Variants in CNTN2 observed in about 807,000 individuals in gnomAD.
The protein encoded by CNTN2 is contactin 2.
Under a neutral mutation model 117.5 loss-of-function variants are expected in CNTN2, and 53 were observed. The observed-to-expected ratio is 0.45, with a 90% CI of 0.36 to 0.57. The LOEUF is 0.57. Ranked by LOEUF, CNTN2 falls within the 20% of genes least tolerant of loss-of-function variation. CNTN2 has a pLI of 0.00. For synonymous variants in CNTN2, 530 were observed against 561.7 expected (o/e 0.94, Z 0.80); for missense variants, 1,106 against 1,404.3 (o/e 0.79, Z 3.39).
rs1028356452 is a variant in CNTN2, at chr1:205,064,525, G to A, written c.1391+53G>A. On this transcript the variant is annotated intron_variant, in intron 11 of 22. Coordinates refer to ENST00000331830, the MANE Select transcript of CNTN2 (RefSeq NM_005076.5). Reference sequence around the variant, plus strand: ...TTCCTGCTCCTCCTCATTCTCCATGGAGGCCAATTCCCCTCCTGTGACAAC... The same window carrying A: ...TTCCTGCTCCTCCTCATTCTCCATGAAGGCCAATTCCCCTCCTGTGACAAC... 1.9e-6 allele frequency: 3 copies of A among 1,593,546 alleles called. No homozygotes were observed. In the African/African-American group the frequency reaches 4.0e-5, roughly 21 times the overall value.
rs1654914844 is a variant in CNTN2 at position 205,077,418 on chromosome 1, G to A, written c.*3653G>A. 1 of 152,234 alleles carries A rather than the reference G, an allele frequency of 6.6e-6. No individual in the cohort carries two copies. Among genetic ancestry groups the A allele is most frequent in the South Asian group, 2.1e-4 (1 of 4,832 alleles). The allele number at this position is 152,234 out of a possible 1,614,324, so 9.4% of individuals were successfully genotyped here. ...GGACTGCCAACTGGCTCATTGGTGG[G>A]AGACACAGTATCCTCAAACCTGTGG... On this transcript the variant is annotated 3_prime_UTR_variant, in exon 23 of 23. Transcript: ENST00000331830.
At position 205,061,733 on chromosome 1, in the gene CNTN2, TC is replaced by T; in HGVS notation, c.974-131del. The T allele has an allele frequency of 1.7e-6, 2 of 1,211,992 alleles. No individual in the cohort carries two copies. Among genetic ancestry groups the T allele is most frequent in the Non-Finnish European group, 2.3e-6 (2 of 875,876 alleles). The allele number at this position is 1,211,992 out of a possible 1,614,324, so 75.1% of individuals were successfully genotyped here. On this transcript the variant is annotated intron_variant, in intron 8 of 22. Coordinates refer to ENST00000331830, the MANE Select transcript of CNTN2 (RefSeq NM_005076.5). This position sits in a 1 kb window ranked among gnomAD's most constrained non-coding sequence, Gnocchi z 4.8. ...TCTTCCGGCCCCCTCCTCTTTGTCC[TC>T]TCCATCTCAGAATGCTCATGGCGCC... is the stretch of plus-strand genomic sequence containing the variant.
intron 1 of CNTN2, among the ~76,000 whole-genome samples, chr1:205,044,552 C>G (rs2151179690): frequency 1.3e-5 from 2 of 152,182 alleles, no homozygotes; most frequent in Middle Eastern, 3.4e-3. Context: ...TCTTTTCCCT[C>G]TGCTCAGAAG....
At chr1:205,069,683 A>C in intron 17 of CNTN2, 122 bp downstream of exon 17, 5 of 1,389,122 alleles carry the variant, frequency 3.6e-6, no homozygotes, top group Non-Finnish European at 5.0e-6. Flanking sequence ...TCCCCCTTCC[A>C]CGCACCCGCT....
intron 2 of CNTN2, among the ~76,000 whole-genome samples, chr1:205,055,334 C>G (rs761675607): frequency 6.6e-6 from 1 of 152,078 alleles, no homozygotes; most frequent in Non-Finnish European, 1.5e-5. Context: ...AGCACACACA[C>G]GGGGAGGCTC....
chr1:205,059,598 C>A lies in CNTN2; in HGVS notation c.713C>A (p.Ala238Glu), dbSNP rs1653860242. Residue 238 changes from alanine (A) to glutamate (E), a missense_variant, in exon 7 of 23, where the codon GCA becomes GAA. By Grantham distance (107) the Ala-to-Glu change is moderately radical (BLOSUM62 -1). Coordinates refer to ENST00000331830, the MANE Select transcript of CNTN2 (RefSeq NM_005076.5). The surrounding 1 kb of genome is among the most constrained non-coding windows in gnomAD (Gnocchi z 5.6). ...CTCTCCCCAGATACCCGGCTCTTTG[C>A]ACCCAGCATCAAGGCCCGGTTCCCA... is the stretch of plus-strand genomic sequence containing the variant. ...NLAAEDTRLF[A>E]PSIKARFPAE... 1 of 1,614,078 alleles carries A rather than the reference C, an allele frequency of 6.2e-7. No homozygotes were observed. Among genetic ancestry groups the A allele is most frequent in the Non-Finnish European group, 8.5e-7 (1 of 1,180,036 alleles).
rs1355272185 is a variant in CNTN2 at position 205,069,891 on chromosome 1, G to A, written c.2261G>A (p.Gly754Asp). ...FGYLLSFRRQGSTHWQTARVP... is the reference protein window; with the variant it reads ...FGYLLSFRRQDSTHWQTARVP... ...TACCTGCTGTCCTTCCGCAGGCAGG[G>A]CAGCACTCACTGGCAGACCGCCCGG... The change falls in exon 18 of 23, where the codon GGC (glycine) becomes GAC (aspartate). Residue 754 changes from glycine to aspartate, a missense_variant. Physicochemically the swap from Gly to Asp is moderately conservative, Grantham distance 94. Transcript: ENST00000331830. 3 of 1,613,834 alleles carry A rather than the reference G, an allele frequency of 1.9e-6. No homozygotes were observed.
chr1:205,054,543 A>G (rs534948666), intron 2 of CNTN2, among the ~76,000 whole-genome samples: 2 of 152,310 alleles, frequency 1.3e-5, no homozygotes, highest in African/African-American at 4.8e-5. Context: ...GGCTTCTAGC[A>G]TCCGCTCCCT....
At chr1:205,066,004 A>C in intron 14 of CNTN2, 95 bp downstream of exon 14, 1 of 1,442,842 alleles carries the variant, frequency 6.9e-7, no homozygotes, top group Non-Finnish European at 9.3e-7. Context: ...CCCTTCCCTC[A>C]AAGCTGCGGG....
chr1:205,066,630 G>A, intron 15 of CNTN2, 31 bp downstream of exon 15: 1 of 1,609,852 alleles, frequency 6.2e-7, no homozygotes, highest in Non-Finnish European at 8.5e-7. Context: ...GGTCAGTGCT[G>A]ATAAGGCTCG....
chr1:205,062,559 A>G lies in CNTN2; in HGVS notation c.1230A>G (p.Leu410=). ...KHGTIYASAE[L]AVQALAPDFR... Reference sequence around the variant, plus strand: ...GTACCATCTACGCCAGCGCCGAGCTAGCCGTGCAAGGTAAGGGGCCCAGGG... The same window carrying G: ...GTACCATCTACGCCAGCGCCGAGCTGGCCGTGCAAGGTAAGGGGCCCAGGG... The change falls in exon 10 of 23, where the codon CTA becomes CTG. Residue 410 remains leucine (L), a synonymous_variant. Coordinates refer to ENST00000331830, the MANE Select transcript of CNTN2 (RefSeq NM_005076.5). 1.9e-6 allele frequency: 3 copies of G among 1,613,272 alleles called. No individual in the cohort carries two copies. Among genetic ancestry groups the G allele is most frequent in the Non-Finnish European group, 2.5e-6 (3 of 1,179,510 alleles).
rs1168887886 is a variant in CNTN2, at chr1:205,058,610, C to T, written c.434C>T (p.Ala145Val). 13 of 1,613,890 alleles carry T rather than the reference C, an allele frequency of 8.1e-6. No homozygotes were observed. The highest frequency in any genetic ancestry group is 1.1e-5 in the Non-Finnish European group (13 of 1,180,012). ...FSKEERDPVK[A>V]HEGWGVMLPC... Reference sequence around the variant, plus strand: ...AAGGAGGAGCGAGACCCAGTGAAAGCTCATGAAGGCTGGGGGGTGATGTTG... The same window carrying T: ...AAGGAGGAGCGAGACCCAGTGAAAGTTCATGAAGGCTGGGGGGTGATGTTG... Residue 145 changes from alanine (A) to valine (V), a missense_variant, in exon 5 of 23, where the codon GCT becomes GTT. Coordinates refer to ENST00000331830, the MANE Select transcript of CNTN2 (RefSeq NM_005076.5). This position sits in a 1 kb window ranked among gnomAD's most constrained non-coding sequence, Gnocchi z 4.3.
rs777614226 is a variant in CNTN2, at chr1:205,059,148, C to T, written c.552C>T (p.Phe184=). 54 of 1,614,220 alleles carry T rather than the reference C, an allele frequency of 3.3e-5. No individual in the cohort carries two copies. Among genetic ancestry groups the T allele is most frequent in the Non-Finnish European group, 4.0e-5 (47 of 1,180,042 alleles). Reference sequence around the variant, plus strand: ...TCATCCCGACGGACGGGCGTCACTTCGTGTCCCAGACCACAGGGAACCTGT... The same window carrying T: ...TCATCCCGACGGACGGGCGTCACTTTGTGTCCCAGACCACAGGGAACCTGT... The part of the protein sequence containing the change: ...PNFIPTDGRH[F]VSQTTGNLYI... The change falls in exon 6 of 23, where the codon TTC becomes TTT. Residue 184 remains phenylalanine, a synonymous_variant. Transcript: ENST00000331830. This position sits in a 1 kb window ranked among gnomAD's most constrained non-coding sequence, Gnocchi z 5.6.
chr1:205,072,726 G>A, intron 21 of CNTN2, 131 bp downstream of exon 21: 1 of 726,632 alleles, frequency 1.4e-6, no homozygotes. Context: ...GTGACTGTGA[G>A]AGGAATGAAA....
Position 205,071,943 on chromosome 1 carries a change from T to A in CNTN2, c.2545-4T>A, listed in dbSNP as rs1654613846. ...TACCCCTTGGGTACCCCCGCCTCCT[T>A]CAGATCCGCTACTGGAAAGCTGGGG... On this transcript the variant is annotated splice_region_variant and splice_polypyrimidine_tract_variant and intron_variant, in intron 19 of 22. Transcript: ENST00000331830. 1.2e-6 allele frequency: 2 copies of A among 1,608,610 alleles called. No homozygotes were observed. Among genetic ancestry groups the A allele is most frequent in the Non-Finnish European group, 1.7e-6 (2 of 1,177,760 alleles).
chr1:205,064,369 G>A lies in CNTN2; in HGVS notation c.1288G>A (p.Ala430Thr), dbSNP rs1444735689. 14 of 1,606,496 alleles carry A rather than the reference G, an allele frequency of 8.7e-6. No homozygotes were observed. Among genetic ancestry groups the A allele is most frequent in the Admixed American group, 5.0e-5 (3 of 59,726 alleles). ...RLNPVRRLIP[A>T]ARGGEILIPC... ...GAATCCCGTGAGGCGTCTGATCCCC[G>A]CGGCCCGCGGGGGAGAGATCCTTAT... The change falls in exon 11 of 23, where the codon GCG becomes ACG. Residue 430 changes from alanine to threonine, a missense_variant. Transcript: ENST00000331830.
rs533637939 is a variant in CNTN2, at chr1:205,058,428, A to G, written c.391+72A>G. 9.7e-6 allele frequency: 15 copies of G among 1,540,954 alleles called. No individual in the cohort carries two copies. In the East Asian group the frequency reaches 3.4e-4, roughly 35 times the overall value. ...GGCTAGGAGAAATTACTGAGAAAGG[A>G]TAAGGGACACCCTCAAGCCGGGCCT... On this transcript the variant is annotated intron_variant, in intron 4 of 22. Coordinates refer to ENST00000331830, the MANE Select transcript of CNTN2 (RefSeq NM_005076.5). The surrounding 1 kb of genome is among the most constrained non-coding windows in gnomAD (Gnocchi z 4.3).
intron 16 of CNTN2, chr1:205,068,138 G>C (rs1208374525): frequency 6.6e-6 from 1 of 152,098 alleles, no homozygotes; most frequent in East Asian, 1.9e-4. Flanking sequence ...GGAGAAGGAG[G>C]GGGAGAAAAG....
At position 205,064,329 on chromosome 1, in the gene CNTN2, C is replaced by A; in HGVS notation, c.1248C>A (p.Ala416=). Residue 416 remains alanine (A), a synonymous_variant, in exon 11 of 23, where the codon GCC becomes GCA. Transcript: ENST00000331830. ...ASAELAVQAL[A]PDFRLNPVRR... ...TCTCCCCTTTCCTTCTAGCACTCGC[C>A]CCTGACTTCAGGCTGAATCCCGTGA... The A allele has an allele frequency of 6.3e-7, 1 of 1,577,274 alleles. No individual in the cohort carries two copies. The highest frequency in any genetic ancestry group is 8.6e-7 in the Non-Finnish European group (1 of 1,156,502).
Sources: gnomAD v4.1 joint callset for allele counts (sites outside exome capture counted in the v4.1 genomes callset) on GRCh38, gnomAD v4.1.1 for gene constraint, Gnocchi (gnomAD v3.1) non-coding constraint, MANE v1.5 for transcripts, NCBI Gene and HGNC (gene_info 2026-07-23, HGNC 2026-07-21) for gene names.